EFCAB11: variants seen among roughly 807,000 people sequenced by gnomAD.
The protein encoded by EFCAB11 is EF-hand calcium binding domain 11.
In EFCAB11, 14 loss-of-function variants were observed where a neutral mutation model predicts 23.0. The ratio of observed to expected loss-of-function variants is 0.61; its 90% confidence interval spans 0.40 to 0.95. The LOEUF (loss-of-function observed/expected upper bound fraction) is 0.95. Among genes scored for constraint, EFCAB11 ranks in the 40% least tolerant of loss-of-function variants. The pLI is 0.00. For synonymous variants in EFCAB11, 65 were observed against 66.6 expected (o/e 0.98, Z 0.11); for missense variants, 198 against 195.8 (o/e 1.01, Z -0.07).
At chr14:89,833,441 G>A (rs1394363950) in intron 5 of EFCAB11, among the ~76,000 whole-genome samples, 1 of 152,236 alleles carries the variant, frequency 6.6e-6, no homozygotes, top group Non-Finnish European at 1.5e-5. Context: ...ATTTCTTGGA[G>A]TGACTGTTCA....
intron 5 of EFCAB11, among the ~76,000 whole-genome samples, chr14:89,797,855 C>T (rs901502673): frequency 5.3e-5 from 8 of 152,154 alleles, no homozygotes; most frequent in Admixed American, 1.3e-4. Flanking sequence ...ATCACTTGAA[C>T]CCAGGAGGCA....
intron 5 of EFCAB11, chr14:89,892,501 G>A (rs1446009662): frequency 5.2e-6 from 7 of 1,348,192 alleles, no homozygotes; most frequent in Non-Finnish European, 7.0e-6. Context: ...GTGGGATGGG[G>A]AATGTTAGTA....
At chr14:89,835,092 A>C (rs950671690) in intron 5 of EFCAB11, among the ~76,000 whole-genome samples, 6 of 151,752 alleles carry the variant, frequency 4.0e-5, no homozygotes, top group Non-Finnish European at 5.9e-5. Context: ...GAGATATAGG[A>C]GGCAAGGCCA....
At chr14:89,799,874 C>T (rs1885711835) in intron 5 of EFCAB11, among the ~76,000 whole-genome samples, 1 of 152,166 alleles carries the variant, frequency 6.6e-6, no homozygotes, top group South Asian at 2.1e-4. Context: ...ACTATCACCT[C>T]ATTGTTTTAC....
intron 3 of EFCAB11, among the ~76,000 whole-genome samples, chr14:89,933,461 A>G (rs140318350): frequency 6.2e-4 from 95 of 152,332 alleles, no homozygotes; most frequent in African/African-American, 2.0e-3. Flanking sequence ...AACCACATGC[A>G]CATTTTTTCT....
In EFCAB11 at chr14:89,893,180, G is replaced by A. The variant is rs530306284; in HGVS notation, c.410+38361C>T. ...TGGGCTCAGACACTGAGAAGCCAGCGTCAGGAAGCTGCTGCATGAGCAAAG... is the reference window on the plus strand; with the variant it reads ...TGGGCTCAGACACTGAGAAGCCAGCATCAGGAAGCTGCTGCATGAGCAAAG... On this transcript the variant is annotated intron_variant, in intron 5 of 5. Coordinates refer to ENST00000316738, the MANE Select transcript of EFCAB11 (RefSeq NM_145231.4). Among the ~76,000 whole-genome samples, 21 of 152,322 alleles carry A rather than the reference G, an allele frequency of 1.4e-4. No individual in the cohort carries two copies. In the South Asian group the frequency reaches 2.5e-3, roughly 18 times the overall value.
chr14:89,862,494 A>C (rs1887956147), intron 5 of EFCAB11, among the ~76,000 whole-genome samples: 1 of 152,242 alleles, frequency 6.6e-6, no homozygotes, highest in African/African-American at 2.4e-5. Flanking sequence ...AATTGTGTCC[A>C]GAAAACTGTG....
intron 5 of EFCAB11, chr14:89,931,288 C>T: frequency 2.3e-6 from 1 of 430,130 alleles, no homozygotes; most frequent in East Asian, 3.7e-5. Context: ...CCTCTCCTGC[C>T]CCTACTCATA....
chr14:89,826,880 C>A (rs1334945459), intron 5 of EFCAB11, among the ~76,000 whole-genome samples: 1 of 152,082 alleles, frequency 6.6e-6, no homozygotes, highest in East Asian at 1.9e-4. Flanking sequence ...AATCATGATG[C>A]CACGGCATGA....
intron 5 of EFCAB11, among the ~76,000 whole-genome samples, chr14:89,912,689 G>A (rs1328426780): frequency 4.6e-5 from 7 of 152,114 alleles, no homozygotes; most frequent in Non-Finnish European, 1.0e-4. Context: ...TATGTGCGAC[G>A]AAAGATAAAA....
chr14:89,855,325 A>G (rs8022795), intron 5 of EFCAB11, among the ~76,000 whole-genome samples: 98,108 of 151,718 alleles, frequency 0.65, 33,717 homozygotes, highest in Non-Finnish European at 0.79. Context: ...AAAATACAAA[A>G]ATTAGCTGGG....
intron 5 of EFCAB11, among the ~76,000 whole-genome samples, chr14:89,909,752 A>G (rs529926345): frequency 1.3e-5 from 2 of 152,262 alleles, no homozygotes; most frequent in East Asian, 3.9e-4. Flanking sequence ...CCACCCACTG[A>G]AAAAAATAGG....
At chr14:89,797,395 ATCTT>A (rs768281990) in intron 5 of EFCAB11, 71 bp from the exon 6 acceptor site, 61 of 1,381,758 alleles carry the variant, frequency 4.4e-5, no homozygotes, top group Non-Finnish European at 5.9e-5. Flanking sequence ...GCACATTAGA[ATCTT>A]TATTTATTTG....
chr14:89,898,721 G>C (rs569955581), intron 5 of EFCAB11, among the ~76,000 whole-genome samples: 1 of 150,032 alleles, frequency 6.7e-6, no homozygotes, highest in Admixed American at 6.7e-5. Flanking sequence ...ATCCAGGCTG[G>C]GGTGCGGTGG....
chr14:89,914,961 C>T (rs1352789872), intron 5 of EFCAB11, among the ~76,000 whole-genome samples: 1 of 151,974 alleles, frequency 6.6e-6, no homozygotes, highest in African/African-American at 2.4e-5. Context: ...GTTAAACAAA[C>T]CTAGCCGCCC....
chr14:89,840,522 C>A (rs969152810), intron 5 of EFCAB11, among the ~76,000 whole-genome samples: 3 of 152,086 alleles, frequency 2.0e-5, no homozygotes, highest in Non-Finnish European at 4.4e-5. Context: ...GAACAAATAT[C>A]AAAATAAGCA....
chr14:89,821,087 C>G (rs1021096013), intron 5 of EFCAB11, among the ~76,000 whole-genome samples: 4 of 152,166 alleles, frequency 2.6e-5, no homozygotes, highest in African/African-American at 9.6e-5. Context: ...GTCTCCAACT[C>G]CTGGGCTTGA....
intron 5 of EFCAB11, among the ~76,000 whole-genome samples, chr14:89,812,966 C>A (rs1379723037): frequency 1.3e-5 from 2 of 152,006 alleles, no homozygotes; most frequent in Non-Finnish European, 2.9e-5. Context: ...GCTGGAAAAA[C>A]AGTTGTAATA....
At chr14:89,833,999 T>G (rs1886970087) in intron 5 of EFCAB11, among the ~76,000 whole-genome samples, 1 of 152,148 alleles carries the variant, frequency 6.6e-6, no homozygotes, top group Admixed American at 6.6e-5. Flanking sequence ...TTTTTTCCCC[T>G]CAGTGGACTC....
Sources: allele counts gnomAD v4.1 joint callset (sites outside exome capture counted in the v4.1 genomes callset), GRCh38; gene constraint gnomAD v4.1.1; transcripts MANE v1.5; gene names NCBI Gene and HGNC (gene_info 2026-07-23, HGNC 2026-07-21).